RNF126: variants seen among roughly 807,000 people sequenced by gnomAD.
RNF126 encodes the protein ring finger protein 126.
RNF126 carries 20 observed loss-of-function variants against 41.9 expected under a neutral mutation model. The observed-to-expected ratio is 0.48, with a 90% CI of 0.34 to 0.69. RNF126 has a LOEUF of 0.69. RNF126 is among the 30% of genes least tolerant of loss of function. RNF126 has a pLI of 0.01. For missense variants in RNF126, 433 were observed against 460.6 expected, an observed-to-expected ratio of 0.94 and a Z score of 0.55; for synonymous variants, 239 against 202.9, an observed-to-expected ratio of 1.18 and a Z score of -1.51.
At chr19:655,967 G>A (rs548848660) in intron 1 of RNF126, among the ~76,000 whole-genome samples, 6 of 152,008 alleles carry the variant, frequency 3.9e-5, no homozygotes, top group Non-Finnish European at 8.8e-5. Context: ...GTGATCCCAC[G>A]TCTATGAAAT....
Position 663,012 on chromosome 19 carries a change from G to A in RNF126, c.75+35C>T, listed in dbSNP as rs886446535. ...GGCCTTGCCTCAGGCCTGCGGCGCA[G>A]ACCCTGCCGCCCGCCGCCCCGGCCC... On this transcript the variant is annotated intron_variant, in intron 1 of 8. Coordinates refer to ENST00000292363, the MANE Select transcript of RNF126 (RefSeq NM_194460.3). 27 of 1,227,780 alleles carry A rather than the reference G, an allele frequency of 2.2e-5. No homozygotes were observed. The African/African-American group carries it at 3.7e-4, about 17-fold the overall frequency. 76.1% of individuals were successfully genotyped at this position (1,227,780 alleles called of 1,614,324 possible).
rs1177687988 is a variant in RNF126, at chr19:653,054, G to C, written c.76-170C>G. 2.0e-5 allele frequency among the ~76,000 whole-genome samples: 3 copies of C among 152,154 alleles called. No individual in the cohort carries two copies. The South Asian group carries it at 6.2e-4, about 31-fold the overall frequency. ...TCCTGGAGGGCGGCCGAGGGGACCTGGCCTCTGCCAGCCACCCGCTGACCC... is the reference window on the plus strand; with the variant it reads ...TCCTGGAGGGCGGCCGAGGGGACCTCGCCTCTGCCAGCCACCCGCTGACCC... On this transcript the variant is annotated intron_variant, in intron 1 of 8. Coordinates refer to ENST00000292363, the MANE Select transcript of RNF126 (RefSeq NM_194460.3).
chr19:658,990 G>A (rs921531521), intron 1 of RNF126, among the ~76,000 whole-genome samples: 11 of 152,192 alleles, frequency 7.2e-5, no homozygotes, highest in Non-Finnish European at 1.3e-4. Context: ...GAGGGCAGCC[G>A]ACATCCACAG....
rs575329167 is a variant in RNF126, at chr19:659,369, G to A, written c.75+3678C>T. ...TCCCCGCCCACGCCGGCTCTTCCCCGCCACCGTGGGCGGCAGGGCCCAGCA... is the reference window on the plus strand; with the variant it reads ...TCCCCGCCCACGCCGGCTCTTCCCCACCACCGTGGGCGGCAGGGCCCAGCA... On this transcript the variant is annotated intron_variant, in intron 1 of 8. Transcript: ENST00000292363. This position sits in a 1 kb window ranked among gnomAD's most constrained non-coding sequence, Gnocchi z 4.9. 1.1e-4 allele frequency among the ~76,000 whole-genome samples: 16 copies of A among 152,184 alleles called. No individual in the cohort carries two copies. In the South Asian group the frequency reaches 2.7e-3, roughly 26 times the overall value.
chr19:652,761 C>A, intron 2 of RNF126, 65 bp downstream of exon 2: 1 of 1,482,826 alleles, frequency 6.7e-7, no homozygotes, highest in Non-Finnish European at 9.4e-7. Flanking sequence ...CAGCACAGCC[C>A]ACACCCCTAC....
chr19:662,645 G>A (rs917961877), intron 1 of RNF126, among the ~76,000 whole-genome samples: 6 of 151,958 alleles, frequency 3.9e-5, no homozygotes, highest in African/African-American at 1.2e-4. Context: ...CCCGCGCCGC[G>A]CCACCGGGCA....
chr19:652,032 C>G (rs563300225), intron 3 of RNF126, 177 bp from the exon 4 acceptor site: 1 of 693,098 alleles, frequency 1.4e-6, no homozygotes, highest in African/African-American at 1.9e-5. Flanking sequence ...TGTGAGATGC[C>G]TCGGTGGAAG....
chr19:660,202 C>A (rs2030736542), intron 1 of RNF126, among the ~76,000 whole-genome samples: 1 of 152,262 alleles, frequency 6.6e-6, no homozygotes, highest in Non-Finnish European at 1.5e-5. Flanking sequence ...ACTCTGCACA[C>A]ACGTGCCCAC....
intron 1 of RNF126, among the ~76,000 whole-genome samples, chr19:658,272 G>A (rs60101917): frequency 0.15 from 22,920 of 152,056 alleles, 2,045 homozygotes; most frequent in South Asian, 0.36. Flanking sequence ...TTCATCCACG[G>A]GGCCTGCACG....
intron 1 of RNF126, 146 bp downstream of exon 1, chr19:662,901 T>A (rs1028500113): frequency 3.0e-6 from 1 of 330,086 alleles, no homozygotes; most frequent in African/African-American, 2.2e-5. Context: ...GGATTCAGCC[T>A]GGGCCGGCGC....
At chr19:655,517 G>T (rs766623147) in intron 1 of RNF126, among the ~76,000 whole-genome samples, 1 of 151,808 alleles carries the variant, frequency 6.6e-6, no homozygotes, top group South Asian at 2.1e-4. Flanking sequence ...GGGAAAGGAC[G>T]TGTACAGGAC....
At chr19:652,995 C>G in intron 1 of RNF126, 111 bp from the exon 2 acceptor site, 3 of 1,025,066 alleles carry the variant, frequency 2.9e-6, no homozygotes, top group South Asian at 1.4e-5. Flanking sequence ...GCTGGCCAGG[C>G]ACACGCAGGC....
At chr19:651,978 A>G (rs958243607) in intron 3 of RNF126, 123 bp from the exon 4 acceptor site, 4 of 889,838 alleles carry the variant, frequency 4.5e-6, no homozygotes, top group Non-Finnish European at 6.7e-6. Context: ...TGGGAGGGAG[A>G]CGCAGACAGG....
At chr19:660,198 C>T (rs1006651920) in intron 1 of RNF126, among the ~76,000 whole-genome samples, 38 of 152,372 alleles carry the variant, frequency 2.5e-4, no homozygotes, top group African/African-American at 9.1e-4. Flanking sequence ...GGCCACTCTG[C>T]ACACACGTGC....
At position 663,171 on chromosome 19, in the gene RNF126, G is replaced by T; in HGVS notation, c.-50C>A. ...GCCCGCCCCCCGCGCGGCACCCGCC[G>T]CCGGCCGTTTGCTGCTCCCTCGCCG... On this transcript the variant is annotated 5_prime_UTR_variant, in exon 1 of 9. Coordinates refer to ENST00000292363, the MANE Select transcript of RNF126 (RefSeq NM_194460.3). 3 of 948,542 alleles carry T rather than the reference G, an allele frequency of 3.2e-6. No homozygotes were observed. Among genetic ancestry groups the T allele is most frequent in the Non-Finnish European group, 2.6e-6 (2 of 756,478 alleles). 58.8% of individuals were successfully genotyped at this position (948,542 alleles called of 1,614,324 possible).
In RNF126 at chr19:654,730, G is replaced by GC. The variant is rs1324507684; in HGVS notation, c.76-1847dup. Among the ~76,000 whole-genome samples, 8 of 150,532 alleles carry GC rather than the reference G, an allele frequency of 5.3e-5. No homozygotes were observed. In the East Asian group the frequency reaches 1.6e-3, roughly 29 times the overall value. On this transcript the variant is annotated intron_variant, in intron 1 of 8. Coordinates refer to ENST00000292363, the MANE Select transcript of RNF126 (RefSeq NM_194460.3). ...ACCTGTAATCCTGGCACTTTGGGAGGCCGAGGCAGGCGAATCACCTGAGGC... is the reference window on the plus strand; with the variant it reads ...ACCTGTAATCCTGGCACTTTGGGAGGCCCGAGGCAGGCGAATCACCTGAGGC...
chr19:648,166 T>A lies in RNF126; in HGVS notation c.898A>T (p.Ser300Cys). 2 of 1,604,488 alleles carry A rather than the reference T, an allele frequency of 1.2e-6. No individual in the cohort carries two copies. The highest frequency in any genetic ancestry group is 1.7e-6 in the Non-Finnish European group (2 of 1,173,992). The change falls in exon 9 of 9, where the codon AGC becomes TGC. Residue 300 changes from serine (S) to cysteine (C), a missense_variant. Transcript: ENST00000292363. ...GTGGCGTTCTCGTTGCTGGGCGAGCTGGAGGAGGACGATGACGACGAGGAG... is the reference window on the plus strand; with the variant it reads ...GTGGCGTTCTCGTTGCTGGGCGAGCAGGAGGAGGACGATGACGACGAGGAG... Reference protein sequence around the residue: ...FSSSSSSSSSSSPSNENATSN... With the variant: ...FSSSSSSSSSCSPSNENATSN...
intron 1 of RNF126, among the ~76,000 whole-genome samples, chr19:658,493 C>T (rs1370259163): frequency 6.6e-6 from 1 of 151,976 alleles, no homozygotes. Context: ...TAGGAGCCCC[C>T]GTGCTGGCTA....
chr19:652,909 G>C, intron 1 of RNF126, 25 bp from the exon 2 acceptor site: 1 of 1,608,244 alleles, frequency 6.2e-7, no homozygotes, highest in Non-Finnish European at 8.5e-7. Context: ...AGGAGGCCGG[G>C]TCACGGTGAC....
Sources: allele counts gnomAD v4.1 joint callset (sites outside exome capture counted in the v4.1 genomes callset), GRCh38; gene constraint gnomAD v4.1.1; non-coding constraint Gnocchi (gnomAD v3.1); transcripts MANE v1.5; gene names NCBI Gene and HGNC (gene_info 2026-07-23, HGNC 2026-07-21).